Variants in ZNF341 observed in about 807,000 individuals in gnomAD.
The protein encoded by ZNF341 is zinc finger protein 341.
ZNF341 carries 52 observed loss-of-function variants against 87.7 expected under a neutral mutation model. The ratio of observed to expected loss-of-function variants is 0.59; its 90% CI spans 0.47 to 0.75. The LOEUF is 0.75. Among genes scored for constraint, ZNF341 ranks in the 30% least tolerant of loss-of-function variants. The pLI is 0.00. For synonymous variants in ZNF341, 459 were observed against 472.7 expected, an observed-to-expected ratio of 0.97 and a Z score of 0.38; for missense variants, 977 against 1,145.9, an observed-to-expected ratio of 0.85 and a Z score of 2.13.
rs531175470 is a variant in ZNF341, at chr20:33,768,179, A to G, written c.1413+1138A>G. Among the ~76,000 whole-genome samples the G allele has an allele frequency of 2.6e-5, 4 of 151,516 alleles. No homozygotes were observed. The South Asian group carries it at 8.4e-4, about 32-fold the overall frequency. The stretch of plus-strand genomic sequence containing the variant: ...ACTCTGTCGCCCAGGCTGGAGTGCA[A>G]TGGCACGATCTCGGCTTACTGCAAC... On this transcript the variant is annotated intron_variant, in intron 9 of 14. Transcript: ENST00000375200.
chr20:33,757,352 C>T lies in ZNF341; in HGVS notation c.937+9C>T, dbSNP rs377749465. 3 of 1,455,840 alleles carry T rather than the reference C, an allele frequency of 2.1e-6. No homozygotes were observed. Among genetic ancestry groups the T allele is most frequent in the East Asian group, 2.6e-5 (1 of 38,186 alleles). The allele number at this position is 1,455,840 out of a possible 1,614,324, so 90.2% of individuals were successfully genotyped here. On this transcript the variant is annotated intron_variant, in intron 6 of 14. Transcript: ENST00000375200. Reference sequence around the variant, plus strand: ...CAGGGGACTCCCGGAAGGTGGGCCCCCAGCCTGCCATGGGCATCTTTCCTC... The same window carrying T: ...CAGGGGACTCCCGGAAGGTGGGCCCTCAGCCTGCCATGGGCATCTTTCCTC...
intron 10 of ZNF341, among the ~76,000 whole-genome samples, chr20:33,771,299 G>A (rs1013981163): frequency 6.6e-6 from 1 of 151,880 alleles, no homozygotes; most frequent in Admixed American, 6.6e-5. Flanking sequence ...TGCCCAGGTT[G>A]GAGTCCAGTG....
chr20:33,750,964 A>G (rs887975275), intron 4 of ZNF341, among the ~76,000 whole-genome samples: 6 of 151,834 alleles, frequency 4.0e-5, no homozygotes, highest in African/African-American at 7.3e-5. Context: ...TTTTAGAGAC[A>G]GAGTCTCGCT....
Position 33,791,260 on chromosome 20 carries a change from C to T in ZNF341, c.2308C>T (p.Pro770Ser). 6.2e-7 allele frequency: 1 copy of T among 1,611,922 alleles called. No homozygotes were observed. The highest frequency in any genetic ancestry group is 8.5e-7 in the Non-Finnish European group (1 of 1,179,554). The change falls in exon 15 of 15, where the codon CCG (proline) becomes TCG (serine). Residue 770 changes from proline to serine, a missense_variant. Transcript: ENST00000375200. ...CAAGGTGCTGACCCCCTTGCCTGACCCGCTGGGGCTGGAGGAGCTGAAGGA... is the reference window on the plus strand; with the variant it reads ...CAAGGTGCTGACCCCCTTGCCTGACTCGCTGGGGCTGGAGGAGCTGAAGGA... The part of the protein sequence containing the change: ...GRKVLTPLPD[P>S]LGLEELKDTG...
chr20:33,786,832 G>A (rs139332846), intron 12 of ZNF341, among the ~76,000 whole-genome samples: 11 of 151,994 alleles, frequency 7.2e-5, no homozygotes, highest in African/African-American at 2.7e-4. Flanking sequence ...GCCGGGTGTG[G>A]TGGTACGCAC....
intron 4 of ZNF341, among the ~76,000 whole-genome samples, chr20:33,751,442 C>T (rs2019053086): frequency 6.6e-6 from 1 of 152,194 alleles, no homozygotes; most frequent in African/African-American, 2.4e-5. Context: ...AGTTCTCTGT[C>T]TTGGGGAGGT....
chr20:33,769,985 T>G (rs1315488773), intron 9 of ZNF341, 99 bp from the exon 10 acceptor site: 1 of 751,250 alleles, frequency 1.3e-6, no homozygotes, highest in Non-Finnish European at 2.3e-6. Flanking sequence ...AGTGGTCAGA[T>G]CATTTACCAT....
rs2018959173 is a variant in ZNF341, at chr20:33,747,634, A to AC, written c.340-1289_340-1288insC. Among the ~76,000 whole-genome samples, 3 of 132,600 alleles carry AC rather than the reference A, an allele frequency of 2.3e-5. 1 individual carries two copies. The highest frequency in any genetic ancestry group is 4.5e-5 in the Non-Finnish European group (3 of 66,960). The allele number at this position is 132,600 out of a possible 152,430, so 87.0% of individuals were successfully genotyped here. On this transcript the variant is annotated intron_variant, in intron 3 of 14. Coordinates refer to ENST00000375200, the MANE Select transcript of ZNF341 (RefSeq NM_001282933.2). ...CGTCTCAAAAAAAAAAAAAAAAAAA[A>AC]AAAAAAAACACAGTCATTTTTCTCA...
chr20:33,791,590 G>C lies in ZNF341; in HGVS notation c.*73G>C. 1.4e-6 allele frequency: 2 copies of C among 1,427,876 alleles called. No individual in the cohort carries two copies. Among genetic ancestry groups the C allele is most frequent in the Non-Finnish European group, 1.8e-6 (2 of 1,084,978 alleles). The allele number at this position is 1,427,876 out of a possible 1,614,324, so 88.5% of individuals were successfully genotyped here. A position where few individuals can be genotyped will look rare whatever the true frequency, so the allele number is the denominator to read the frequency against. ...GGTCCAGGGCCCCTGGGGGCAGACC[G>C]GTGATCCTTACCAGTGGAAGCGAGC... On this transcript the variant is annotated 3_prime_UTR_variant, in exon 15 of 15. Coordinates refer to ENST00000375200, the MANE Select transcript of ZNF341 (RefSeq NM_001282933.2).
At position 33,788,908 on chromosome 20, in the gene ZNF341, G is replaced by T. The variant is rs780468263; in HGVS notation, c.1898G>T (p.Arg633Leu). The T allele has an allele frequency of 6.2e-7, 1 of 1,614,002 alleles. No individual in the cohort carries two copies. The highest frequency in any genetic ancestry group is 8.5e-7 in the Non-Finnish European group (1 of 1,179,986). ...TCAGTGTGCGAGTCTGCGTTCAACC[G>T]CAAGGACAAACTGAAGAGACACATG... The part of the protein sequence containing the change: ...KCSVCESAFN[R>L]KDKLKRHMLI... The change falls in exon 13 of 15, where the codon CGC becomes CTC. Residue 633 changes from arginine to leucine, a missense_variant. Arg to Leu is a moderately radical substitution (Grantham distance 102, BLOSUM62 -2). Around this residue, in one of 3 missense-constraint regions of ZNF341, gnomAD observed 241 missense variants for 335.0 expected, o/e 0.72. Transcript: ENST00000375200.
chr20:33,750,931 G>T (rs184393941), intron 4 of ZNF341, among the ~76,000 whole-genome samples: 1 of 151,834 alleles, frequency 6.6e-6, no homozygotes, highest in Non-Finnish European at 1.5e-5. Context: ...GTGAGCCACC[G>T]TGCCTGGCCT....
intron 4 of ZNF341, 94 bp downstream of exon 4, chr20:33,749,166 C>T: frequency 6.8e-7 from 1 of 1,468,898 alleles, no homozygotes; most frequent in Non-Finnish European, 9.1e-7. Flanking sequence ...GGGGGCCTGG[C>T]CCCAGCTCTC....
Position 33,770,275 on chromosome 20 carries a change from G to A in ZNF341, c.1605G>A (p.Lys535=), listed in dbSNP as rs1383763618. ...TCCTGCCACAGCACAGCCCCAAGAA[G>A]GACAATGCCGTCTACAAGTAAGTGC... ...HSLLPQHSPK[K]DNAVYKCVKC... Residue 535 remains lysine (K), a synonymous_variant, in exon 10 of 15, where the codon AAG becomes AAA. Transcript: ENST00000375200. 7.1e-7 allele frequency: 1 copy of A among 1,417,100 alleles called. No homozygotes were observed. Among genetic ancestry groups the A allele is most frequent in the Admixed American group, 1.9e-5 (1 of 53,832 alleles). 87.8% of individuals were successfully genotyped at this position (1,417,100 alleles called of 1,614,324 possible). A position where few individuals can be genotyped will look rare whatever the true frequency, so the allele number is the denominator to read the frequency against.
chr20:33,781,528 C>T, intron 11 of ZNF341, 141 bp downstream of exon 11: 1 of 699,538 alleles, frequency 1.4e-6, no homozygotes, highest in South Asian at 1.7e-5. Context: ...CCACAGATGA[C>T]ACAGTGTCTC....
At chr20:33,756,453 G>A (rs1265386324) in intron 5 of ZNF341, among the ~76,000 whole-genome samples, 2 of 148,590 alleles carry the variant, frequency 1.3e-5, no homozygotes, top group African/African-American at 2.5e-5. Flanking sequence ...TGCAACCTCC[G>A]CCTCCCAGGC....
At position 33,770,622 on chromosome 20, in the gene ZNF341, T is replaced by C. The variant is rs577920419; in HGVS notation, c.1622+330T>C. On this transcript the variant is annotated intron_variant, in intron 10 of 14. Transcript: ENST00000375200. ...TCCAAACTAAACAATTATGACAGTA[T>C]TATTTTGTCTCATAATCTACAAAAT... Among the ~76,000 whole-genome samples, 3 of 152,340 alleles carry C rather than the reference T, an allele frequency of 2.0e-5. No individual in the cohort carries two copies. In the South Asian group the frequency reaches 6.2e-4, roughly 32 times the overall value.
At chr20:33,760,562 G>A (rs1221762315) in intron 7 of ZNF341, among the ~76,000 whole-genome samples, 1 of 150,632 alleles carries the variant, frequency 6.6e-6, no homozygotes, top group African/African-American at 2.4e-5. Context: ...TTTGTTTTTT[G>A]AGACAGGGTC....
intron 12 of ZNF341, among the ~76,000 whole-genome samples, chr20:33,784,383 T>C (rs1306454058): frequency 9.5e-5 from 2 of 21,032 alleles, no homozygotes; most frequent in African/African-American, 5.4e-4. Flanking sequence ...CCCATCTCCT[T>C]CTAGCCCCCT....
chr20:33,749,604 G>A (rs1018496476), intron 4 of ZNF341, among the ~76,000 whole-genome samples: 2 of 151,626 alleles, frequency 1.3e-5, no homozygotes, highest in Non-Finnish European at 2.9e-5. Context: ...GCCAATTTTT[G>A]TATTTTTAAT....
Sources: allele counts gnomAD v4.1 joint callset (sites outside exome capture counted in the v4.1 genomes callset), GRCh38; gene constraint gnomAD v4.1.1; regional missense constraint gnomAD v4.1.1; transcripts MANE v1.5; gene names NCBI Gene and HGNC (gene_info 2026-07-23, HGNC 2026-07-21).